KHDRBS2: variants seen among roughly 807,000 people sequenced by gnomAD.
The protein encoded by KHDRBS2 is KH RNA binding domain containing, signal transduction associated 2.
Under a neutral mutation model 44.3 loss-of-function variants are expected in KHDRBS2, and 26 were observed. The ratio of observed to expected loss-of-function variants is 0.59; its 90% CI spans 0.43 to 0.81. KHDRBS2 has a LOEUF of 0.81. KHDRBS2 is among the 40% of genes least tolerant of loss of function. The pLI is 0.00. For synonymous variants in KHDRBS2, 194 were observed against 151.1 expected, an observed-to-expected ratio of 1.28 and a Z score of -2.08; for missense variants, 476 against 433.1, an observed-to-expected ratio of 1.10 and a Z score of -0.88.
chr6:61,730,447 T>C (rs1774266595), intron 7 of KHDRBS2, among the ~76,000 whole-genome samples: 1 of 152,024 alleles, frequency 6.6e-6, no homozygotes, highest in South Asian at 2.1e-4. Flanking sequence ...ACTTTGTACC[T>C]AGTATTGTGA....
the KHDRBS2 span, among the ~76,000 whole-genome samples, chr6:61,557,856 G>T: frequency 6.6e-6 from 1 of 152,012 alleles, no homozygotes; most frequent in Non-Finnish European, 1.5e-5. Context: ...TATCCTCATG[G>T]TTCAAACTTG....
At chr6:62,189,291 T>C (rs1024788929) in intron 1 of KHDRBS2, among the ~76,000 whole-genome samples, 48 of 152,184 alleles carry the variant, frequency 3.2e-4, no homozygotes, top group African/African-American at 1.2e-3. Flanking sequence ...AAATAAGTCC[T>C]CTCTCAACAG....
At chr6:61,717,770 T>C (rs1181564843) in intron 7 of KHDRBS2, among the ~76,000 whole-genome samples, 2 of 152,110 alleles carry the variant, frequency 1.3e-5, no homozygotes, top group African/African-American at 4.8e-5. Context: ...GTAAATAATT[T>C]CTTCTTTTTT....
chr6:61,577,651 T>C, the KHDRBS2 span, among the ~76,000 whole-genome samples: 4 of 152,170 alleles, frequency 2.6e-5, no homozygotes, highest in African/African-American at 9.6e-5. Context: ...GGATTAACAA[T>C]AGTAAAATAA....
intron 1 of KHDRBS2, among the ~76,000 whole-genome samples, chr6:62,189,364 A>T (rs1824126200): frequency 6.6e-6 from 1 of 151,708 alleles, no homozygotes; most frequent in African/African-American, 2.4e-5. Flanking sequence ...TATTATTATT[A>T]TACTTTCACT....
intron 2 of KHDRBS2, among the ~76,000 whole-genome samples, chr6:62,110,137 C>T (rs2127382338): frequency 6.6e-6 from 1 of 152,140 alleles, no homozygotes; most frequent in Non-Finnish European, 1.5e-5. Context: ...AATGATACTG[C>T]TACCTACCTA....
chr6:62,194,360 A>T lies in KHDRBS2; in HGVS notation c.92-17048T>A, dbSNP rs184506223. On this transcript the variant is annotated intron_variant, in intron 1 of 8. Coordinates refer to ENST00000281156, the MANE Select transcript of KHDRBS2 (RefSeq NM_152688.4). The stretch of plus-strand genomic sequence containing the variant: ...CATTGAATGCTCTTGAAACCCTTGT[A>T]AAAAAAACCAATTAACCATGAATGT... 3.4e-3 allele frequency among the ~76,000 whole-genome samples: 513 copies of T among 151,598 alleles called. 4 individuals carry two copies. The highest frequency in any genetic ancestry group is 5.0e-3 in the Non-Finnish European group (336 of 67,838).
intron 1 of KHDRBS2, among the ~76,000 whole-genome samples, chr6:62,265,889 C>T (rs1220771474): frequency 6.6e-6 from 1 of 152,006 alleles, no homozygotes; most frequent in Non-Finnish European, 1.5e-5. Context: ...TCTAAAAGCA[C>T]CTTGTATAAC....
intron 6 of KHDRBS2, among the ~76,000 whole-genome samples, chr6:61,873,669 T>C (rs1244556640): frequency 2.0e-5 from 3 of 151,404 alleles, no homozygotes; most frequent in South Asian, 2.1e-4. Context: ...AATGTTTATA[T>C]ACAACAAAGT....
intron 2 of KHDRBS2, among the ~76,000 whole-genome samples, chr6:62,139,200 A>C (rs1475632636): frequency 2.0e-5 from 3 of 152,106 alleles, no homozygotes; most frequent in African/African-American, 4.8e-5. Flanking sequence ...AAGACAAGAG[A>C]ATAAATATAT....
chr6:62,267,323 C>A (rs1444109187), intron 1 of KHDRBS2, among the ~76,000 whole-genome samples: 3 of 152,024 alleles, frequency 2.0e-5, no homozygotes, highest in Non-Finnish European at 4.4e-5. Flanking sequence ...AGACCTACAG[C>A]TCCAAAGTTT....
the KHDRBS2 span, among the ~76,000 whole-genome samples, chr6:61,666,733 G>A: frequency 2.4e-4 from 36 of 151,408 alleles, no homozygotes; most frequent in East Asian, 6.6e-3. Flanking sequence ...CAAATTAATT[G>A]TAAAACACTA....
chr6:62,266,376 C>A (rs115705294), intron 1 of KHDRBS2, among the ~76,000 whole-genome samples: 1 of 151,922 alleles, frequency 6.6e-6, no homozygotes, highest in South Asian at 2.1e-4. Flanking sequence ...GACATATCAG[C>A]GAATTATTGC....
At chr6:61,899,723 T>A (rs1455677565) in intron 5 of KHDRBS2, among the ~76,000 whole-genome samples, 2 of 121,394 alleles carry the variant, frequency 1.6e-5, no homozygotes, top group African/African-American at 6.4e-5. Context: ...GATAAATTCA[T>A]TGTTTTAATG....
At chr6:61,707,243 G>C (rs1246198232) in intron 7 of KHDRBS2, among the ~76,000 whole-genome samples, 1 of 151,820 alleles carries the variant, frequency 6.6e-6, no homozygotes, top group East Asian at 2.0e-4. Flanking sequence ...AAGCAAGAGA[G>C]AGTTGCAGAT....
chr6:62,107,401 T>A (rs1325975776), intron 2 of KHDRBS2, among the ~76,000 whole-genome samples: 2 of 152,082 alleles, frequency 1.3e-5, no homozygotes, highest in African/African-American at 4.8e-5. Flanking sequence ...GTGAAGGACC[T>A]CTTCAAGGAG....
chr6:61,580,614 C>T, the KHDRBS2 span, among the ~76,000 whole-genome samples: 215 of 152,154 alleles, frequency 1.4e-3, no homozygotes, highest in African/African-American at 5.0e-3. Flanking sequence ...CTGAAGTCAG[C>T]GAGACCACGA....
chr6:62,185,815 G>A (rs1413081167), intron 1 of KHDRBS2, among the ~76,000 whole-genome samples: 3 of 151,970 alleles, frequency 2.0e-5, no homozygotes, highest in Non-Finnish European at 4.4e-5. Context: ...TTGGCTTACA[G>A]TTCCTCTCCC....
the KHDRBS2 span, among the ~76,000 whole-genome samples, chr6:61,557,015 C>A: frequency 6.7e-6 from 1 of 150,132 alleles, no homozygotes; most frequent in East Asian, 2.0e-4. Context: ...TAGTTTTGCA[C>A]CATCAGTGCA....
Sources: gnomAD v4.1 joint callset for allele counts (sites outside exome capture counted in the v4.1 genomes callset) on GRCh38, gnomAD v4.1.1 for gene constraint, MANE v1.5 for transcripts, NCBI Gene and HGNC (gene_info 2026-07-23, HGNC 2026-07-21) for gene names.